Variants in PDZD2 observed in about 807,000 individuals in gnomAD.
PDZD2 encodes PDZ domain-containing protein 2.
Under a neutral mutation model 220.7 loss-of-function variants are expected in PDZD2, and 90 were observed. That is an observed-to-expected ratio of 0.41 (90% CI 0.34 to 0.49). PDZD2 has a LOEUF of 0.49. Among genes scored for constraint, PDZD2 ranks in the 20% least tolerant of loss-of-function variants. The probability of loss-of-function intolerance (pLI) is 0.28; values close to 1 mark genes in which losing one functional copy is unlikely to be tolerated. For missense variants in PDZD2, 3,174 were observed against 3,608.5 expected (o/e 0.88, Z 3.08); for synonymous variants, 1,375 against 1,450.5 (o/e 0.95, Z 1.18).
At chr5:31,991,444 C>A (rs1181280493) in intron 3 of PDZD2, among the ~76,000 whole-genome samples, 2 of 152,150 alleles carry the variant, frequency 1.3e-5, no homozygotes, top group Non-Finnish European at 2.9e-5. Context: ...ATCAAAGATA[C>A]TTCACGGACT....
intron 2 of PDZD2, among the ~76,000 whole-genome samples, chr5:31,859,521 ACCT>A (rs1165022020): frequency 6.6e-6 from 1 of 151,992 alleles, no homozygotes; most frequent in Non-Finnish European, 1.5e-5. Context: ...TCTTTTTATA[ACCT>A]CCTGTTACTG....
chr5:31,820,545 T>C (rs1295480205), intron 2 of PDZD2: 1 of 152,078 alleles, frequency 6.6e-6, no homozygotes, highest in East Asian at 1.9e-4. Flanking sequence ...TTTTTTTAAC[T>C]TTTTTTTAAT....
intron 1 of PDZD2, among the ~76,000 whole-genome samples, chr5:31,689,572 A>T (rs948306484): frequency 6.6e-6 from 1 of 151,668 alleles, no homozygotes. Context: ...TATGTCTAAT[A>T]AGTTAAGAAT....
intron 2 of PDZD2, among the ~76,000 whole-genome samples, chr5:31,879,698 T>C (rs1739686702): frequency 6.6e-6 from 1 of 152,146 alleles, no homozygotes; most frequent in Non-Finnish European, 1.5e-5. Context: ...TTATAAGGAT[T>C]GGAGAATTTT....
At chr5:31,944,457 C>A (rs1286735525) in intron 2 of PDZD2, among the ~76,000 whole-genome samples, 1 of 152,184 alleles carries the variant, frequency 6.6e-6, no homozygotes, top group Non-Finnish European at 1.5e-5. Context: ...AGGCTGTAGC[C>A]TACAGCAATT....
At chr5:32,003,334 C>CCACACACA (rs1268337529) in intron 5 of PDZD2, among the ~76,000 whole-genome samples, 1 of 16,506 alleles carries the variant, frequency 6.1e-5, no homozygotes, top group Admixed American at 5.6e-4. Flanking sequence ...CACACCCCCA[C>CCACACACA]CACACCACAC....
At chr5:31,850,241 T>C (rs868141193) in intron 2 of PDZD2, among the ~76,000 whole-genome samples, 1 of 107,714 alleles carries the variant, frequency 9.3e-6, no homozygotes, top group Non-Finnish European at 1.9e-5. Flanking sequence ...TATATATATA[T>C]ATACACACAC....
At chr5:31,840,520 T>TCCAGCAGCTCAGGCTCCTTC (rs1757240386) in intron 2 of PDZD2, 1 of 561,124 alleles carries the variant, frequency 1.8e-6, no homozygotes, top group Non-Finnish European at 3.3e-6. Context: ...GGGAATGGGT[T>TCCAGCAGCTCAGGCTCCTTC]CCAGCAGCTC....
intron 14 of PDZD2, among the ~76,000 whole-genome samples, chr5:32,062,275 T>C (rs1440157644): frequency 6.6e-6 from 1 of 152,178 alleles, no homozygotes; most frequent in Non-Finnish European, 1.5e-5. Context: ...TCCATCAAAG[T>C]TGGGGAAAAA....
intron 2 of PDZD2, among the ~76,000 whole-genome samples, chr5:31,818,641 C>T (rs1300920696): frequency 6.6e-6 from 1 of 152,100 alleles, no homozygotes; most frequent in East Asian, 1.9e-4. Flanking sequence ...CTCTGTGGCT[C>T]GTTCTTCTCC....
chr5:31,913,784 G>T (rs1242365593), intron 2 of PDZD2, among the ~76,000 whole-genome samples: 1 of 152,210 alleles, frequency 6.6e-6, no homozygotes, highest in Non-Finnish European at 1.5e-5. Flanking sequence ...AATATTAGAA[G>T]TAGAGTCGTG....
At chr5:31,998,707 C>T (rs537230507) in intron 4 of PDZD2, among the ~76,000 whole-genome samples, 1 of 152,222 alleles carries the variant, frequency 6.6e-6, no homozygotes, top group Non-Finnish European at 1.5e-5. Context: ...ACATAAACTA[C>T]ATTAACACTA....
intron 1 of PDZD2, among the ~76,000 whole-genome samples, chr5:31,658,829 C>A (rs1380726073): frequency 6.6e-6 from 1 of 152,142 alleles, no homozygotes; most frequent in African/African-American, 2.4e-5. Context: ...CCATGTTGGC[C>A]AGGCTGGTCT....
chr5:31,847,638 G>A (rs1379022566), intron 2 of PDZD2: 2 of 619,758 alleles, frequency 3.2e-6, no homozygotes, highest in East Asian at 7.7e-5. Context: ...AAGTGGTGGT[G>A]ACTGGAGATG....
chr5:31,650,606 CTCT>C (rs1410588462), intron 1 of PDZD2, among the ~76,000 whole-genome samples: 4 of 152,202 alleles, frequency 2.6e-5, no homozygotes, highest in South Asian at 2.1e-4. Context: ...AAGTTCATTT[CTCT>C]TCTTCTCCAC....
rs56763561 is a variant in PDZD2, at chr5:31,727,701, CA to C, written c.-360-71172del. ...GGCAACAAGTAGCAAAGCTCAATCT[CA>C]AAAAAAAAAAAAAAAGAAAGGCCGG... On this transcript the variant is annotated intron_variant, in intron 1 of 24. Coordinates refer to ENST00000438447, the MANE Select transcript of PDZD2 (RefSeq NM_178140.4). Among the ~76,000 whole-genome samples the C allele has an allele frequency of 2.5e-3, 226 of 90,462 alleles. 1 individual carries two copies. Among genetic ancestry groups the C allele is most frequent in the East Asian group, 3.7e-3 (12 of 3,246 alleles). 59.3% of individuals were successfully genotyped at this position (90,462 alleles called of 152,430 possible).
chr5:31,735,523 G>T lies in PDZD2; in HGVS notation c.-360-63366G>T, dbSNP rs150253831. Among the ~76,000 whole-genome samples, 24 of 152,294 alleles carry T rather than the reference G, an allele frequency of 1.6e-4. No individual in the cohort carries two copies. The East Asian group carries it at 4.6e-3, about 29-fold the overall frequency. ...TGTATTTTAAAATATTCCAGGCTGG[G>T]TGCAGTGGCTCATGCCTGTAATCCC... On this transcript the variant is annotated intron_variant, in intron 1 of 24. Coordinates refer to ENST00000438447, the MANE Select transcript of PDZD2 (RefSeq NM_178140.4).
intron 14 of PDZD2, among the ~76,000 whole-genome samples, chr5:32,063,765 A>G (rs113013757): frequency 2.7e-3 from 404 of 152,376 alleles, no homozygotes; most frequent in African/African-American, 8.9e-3. Flanking sequence ...TTACCAGGAC[A>G]TTACGAACTA....
intron 1 of PDZD2, chr5:31,657,202 A>G (rs1281000033): frequency 6.6e-6 from 1 of 152,270 alleles, no homozygotes; most frequent in Non-Finnish European, 1.5e-5. Context: ...AAAGCTGTTG[A>G]TGTAGCCTAT....
Sources: gnomAD v4.1 joint callset for allele counts (sites outside exome capture counted in the v4.1 genomes callset) on GRCh38, gnomAD v4.1.1 for gene constraint, MANE v1.5 for transcripts, NCBI Gene and HGNC (gene_info 2026-07-23, HGNC 2026-07-21) for gene names.